SLC7A11: variants seen among roughly 807,000 people sequenced by gnomAD.
SLC7A11 encodes the protein solute carrier family 7 member 11.
A neutral mutation model predicts 54.5 loss-of-function variants in SLC7A11; 35 were observed. The observed-to-expected ratio is 0.64, with a 90% CI of 0.49 to 0.85. The LOEUF (loss-of-function observed/expected upper bound fraction) is 0.85, where lower values mean the gene tolerates loss of function less well. Among genes scored for constraint, SLC7A11 ranks in the 40% least tolerant of loss-of-function variants. The probability of loss-of-function intolerance (pLI) is 0.00; values close to 1 mark genes in which losing one functional copy is unlikely to be tolerated. For missense variants in SLC7A11, 583 were observed against 618.1 expected (o/e 0.94, Z 0.60); for synonymous variants, 230 against 225.2 (o/e 1.02, Z -0.19).
intron 3 of SLC7A11, among the ~76,000 whole-genome samples, chr4:138,225,167 T>TATATAC (rs1737917250): frequency 4.5e-5 from 6 of 133,974 alleles, no homozygotes; most frequent in Admixed American, 4.4e-4. Context: ...TATATATATA[T>TATATAC]ATATAAATAA....
intron 6 of SLC7A11, among the ~76,000 whole-genome samples, chr4:138,187,756 G>A (rs772515600): frequency 2.0e-5 from 3 of 152,144 alleles, no homozygotes; most frequent in Non-Finnish European, 4.4e-5. Context: ...GAATTGTAAT[G>A]TCAAGTGAAT....
chr4:138,238,483 T>TAGAC lies in SLC7A11; in HGVS notation c.278-2036_278-2033dup, dbSNP rs1333297764. On this transcript the variant is annotated intron_variant, in intron 1 of 11. Transcript: ENST00000280612. ...AAAGTACTACTGATTAGTAATAATT[T>TAGAC]AGACAGAACTGCTCAATATAAATAT... Among the ~76,000 whole-genome samples the TAGAC allele has an allele frequency of 2.0e-5, 3 of 152,246 alleles. No individual in the cohort carries two copies. The East Asian group carries it at 5.8e-4, about 29-fold the overall frequency.
intron 3 of SLC7A11, among the ~76,000 whole-genome samples, chr4:138,229,849 C>A (rs1359485883): frequency 1.3e-5 from 2 of 152,160 alleles, no homozygotes; most frequent in African/African-American, 2.4e-5. Context: ...TCTACTTAGT[C>A]TTCTGGTTAT....
intron 5 of SLC7A11, among the ~76,000 whole-genome samples, chr4:138,215,923 T>G (rs1383493225): frequency 6.6e-6 from 1 of 152,186 alleles, no homozygotes; most frequent in Non-Finnish European, 1.5e-5. Context: ...AAGAAAATAT[T>G]TATGAAAAAT....
intron 11 of SLC7A11, chr4:138,177,869 C>G (rs908569167): frequency 6.6e-6 from 1 of 152,134 alleles, no homozygotes; most frequent in Non-Finnish European, 1.5e-5. Flanking sequence ...CTCTCAGACC[C>G]TGCTGATACT....
chr4:138,198,640 T>A (rs897427730), intron 6 of SLC7A11, among the ~76,000 whole-genome samples: 21 of 152,120 alleles, frequency 1.4e-4, no homozygotes, highest in African/African-American at 4.8e-4. Flanking sequence ...AGACAGACCA[T>A]TTTAAAGTTT....
intron 3 of SLC7A11, among the ~76,000 whole-genome samples, chr4:138,225,138 CTATATATATATATA>C (rs36216785): frequency 3.3e-4 from 39 of 118,326 alleles, no homozygotes; most frequent in African/African-American, 8.5e-4. Context: ...AATAATTTCA[CTATATATATATATA>C]TATATATATA....
chr4:138,188,246 A>G (rs1268674047), intron 6 of SLC7A11, among the ~76,000 whole-genome samples: 1 of 152,076 alleles, frequency 6.6e-6, no homozygotes, highest in East Asian at 1.9e-4. Context: ...TATCTTTATT[A>G]GAGACAGGGT....
At chr4:138,208,156 C>T (rs1560730056) in intron 6 of SLC7A11, among the ~76,000 whole-genome samples, 1 of 152,058 alleles carries the variant, frequency 6.6e-6, no homozygotes, top group Non-Finnish European at 1.5e-5. Flanking sequence ...TGGAAGTAGG[C>T]AAAGTATTAA....
intron 4 of SLC7A11, 75 bp from the exon 5 acceptor site, chr4:138,219,440 G>A: frequency 2.4e-6 from 2 of 822,692 alleles, no homozygotes; most frequent in Non-Finnish European, 4.1e-6. Flanking sequence ...GAAACATGGG[G>A]GTGCGGAGAA....
intron 6 of SLC7A11, among the ~76,000 whole-genome samples, chr4:138,206,979 T>C (rs1274653991): frequency 1.4e-5 from 2 of 141,546 alleles, no homozygotes; most frequent in African/African-American, 5.3e-5. Flanking sequence ...GCTTTATGTA[T>C]ATTTTCTAAA....
chr4:138,211,322 T>C (rs1737542722), intron 6 of SLC7A11, among the ~76,000 whole-genome samples: 1 of 151,784 alleles, frequency 6.6e-6, no homozygotes, highest in African/African-American at 2.4e-5. Flanking sequence ...ACAGGATAAT[T>C]CATACCCCAA....
chr4:138,180,865 G>C, intron 9 of SLC7A11, 75 bp from the exon 10 acceptor site: 3 of 1,280,728 alleles, frequency 2.3e-6, no homozygotes, highest in South Asian at 1.4e-5. Context: ...ACCTCACTAT[G>C]CATTACGACC....
chr4:138,229,383 A>G (rs563106518), intron 3 of SLC7A11, among the ~76,000 whole-genome samples: 9 of 152,324 alleles, frequency 5.9e-5, no homozygotes, highest in Non-Finnish European at 1.0e-4. Context: ...ACTGATTTAC[A>G]TTACCTACCA....
rs115310230 is a variant in SLC7A11 at position 138,204,145 on chromosome 4, G to A, written c.791+10440C>T. ...TAGCCATTCACCTTGTACCCTCATG[G>A]ATCAGCTTTGTTTTCCCAAAAACCA... On this transcript the variant is annotated intron_variant, in intron 6 of 11. Transcript: ENST00000280612. Among the ~76,000 whole-genome samples the A allele has an allele frequency of 5.8e-3, 884 of 152,038 alleles. 11 individuals carry two copies. Among genetic ancestry groups the A allele is most frequent in the African/African-American group, 0.019 (808 of 41,456 alleles).
intron 6 of SLC7A11, among the ~76,000 whole-genome samples, chr4:138,187,396 TGTGA>T (rs1434425439): frequency 6.6e-6 from 1 of 152,318 alleles, no homozygotes; most frequent in East Asian, 1.9e-4. Flanking sequence ...TAGAAAATTC[TGTGA>T]GTTAGGAACA....
intron 6 of SLC7A11, among the ~76,000 whole-genome samples, chr4:138,210,101 C>T (rs1737512095): frequency 6.6e-6 from 1 of 151,924 alleles, no homozygotes; most frequent in African/African-American, 2.4e-5. Context: ...ACACCTACAA[C>T]CATATGATCT....
chr4:138,183,947 T>A (rs1736813193), intron 7 of SLC7A11, among the ~76,000 whole-genome samples: 1 of 152,130 alleles, frequency 6.6e-6, no homozygotes, highest in Non-Finnish European at 1.5e-5. Flanking sequence ...ATAAGTCCGA[T>A]AAGCCACAGA....
chr4:138,240,455 T>C (rs1738348493), intron 1 of SLC7A11, among the ~76,000 whole-genome samples: 1 of 151,542 alleles, frequency 6.6e-6, no homozygotes, highest in African/African-American at 2.4e-5. Context: ...TAGTCCCAGC[T>C]ACTCGGGAGG....
Sources: allele counts gnomAD v4.1 joint callset (sites outside exome capture counted in the v4.1 genomes callset), GRCh38; gene constraint gnomAD v4.1.1; transcripts MANE v1.5; gene names NCBI Gene and HGNC (gene_info 2026-07-23, HGNC 2026-07-21).